Variants in SORCS1 observed in about 807,000 individuals in gnomAD.
SORCS1 encodes VPS10 domain-containing receptor SorCS1.
Under a neutral mutation model 146.1 loss-of-function variants are expected in SORCS1, and 60 were observed. The ratio of observed to expected loss-of-function variants is 0.41; its 90% CI spans 0.33 to 0.51. The LOEUF (loss-of-function observed/expected upper bound fraction) is 0.51, where lower values mean the gene tolerates loss of function less well. Among genes scored for constraint, SORCS1 ranks in the 20% least tolerant of loss-of-function variants. SORCS1 has a pLI of 0.21. For synonymous variants in SORCS1, 637 were observed against 584.0 expected, an observed-to-expected ratio of 1.09 and a Z score of -1.31; for missense variants, 1,352 against 1,487.6, an observed-to-expected ratio of 0.91 and a Z score of 1.50.
chr10:106,634,580 G>A (rs1293350960), intron 18 of SORCS1, among the ~76,000 whole-genome samples: 3 of 152,080 alleles, frequency 2.0e-5, no homozygotes, highest in Non-Finnish European at 2.9e-5. Context: ...GAAATTACTC[G>A]CAATATTTCT....
intron 1 of SORCS1, among the ~76,000 whole-genome samples, chr10:107,116,205 G>A (rs1378972519): frequency 6.6e-6 from 1 of 152,016 alleles, no homozygotes; most frequent in Non-Finnish European, 1.5e-5. Context: ...ACAGTAGGAA[G>A]GCTCTTAAAA....
chr10:106,953,249 T>A (rs1954785175), intron 2 of SORCS1, among the ~76,000 whole-genome samples: 1 of 151,844 alleles, frequency 6.6e-6, no homozygotes, highest in Non-Finnish European at 1.5e-5. Flanking sequence ...CCATGAATAC[T>A]AAAATCCGCA....
At chr10:106,913,772 C>A (rs1952277863) in intron 2 of SORCS1, among the ~76,000 whole-genome samples, 1 of 152,164 alleles carries the variant, frequency 6.6e-6, no homozygotes, top group African/African-American at 2.4e-5. Flanking sequence ...GGGTGAAGCC[C>A]CCAGAGCAGG....
At chr10:106,774,541 A>C (rs1860282627) in intron 4 of SORCS1, among the ~76,000 whole-genome samples, 1 of 138,276 alleles carries the variant, frequency 7.2e-6, no homozygotes, top group African/African-American at 2.9e-5. Context: ...TTACAATTTC[A>C]TGTATATGAC....
chr10:106,917,044 A>G (rs1345673000), intron 2 of SORCS1, among the ~76,000 whole-genome samples: 2 of 152,154 alleles, frequency 1.3e-5, no homozygotes, highest in Non-Finnish European at 2.9e-5. Flanking sequence ...CACCCAGCCC[A>G]CTTTCCAATT....
chr10:106,811,176 G>A (rs895005055), intron 3 of SORCS1, among the ~76,000 whole-genome samples: 10 of 151,974 alleles, frequency 6.6e-5, no homozygotes, highest in Admixed American at 2.0e-4. Flanking sequence ...CTGACCTCAT[G>A]ATCCACCCAC....
the SORCS1 span, among the ~76,000 whole-genome samples, chr10:107,176,871 AAGTTTGTT>A: frequency 1.3e-5 from 2 of 152,004 alleles, no homozygotes; most frequent in African/African-American, 4.8e-5. Flanking sequence ...TCATTAGGTC[AAGTTTGTT>A]AATTATGTTG....
intron 5 of SORCS1, among the ~76,000 whole-genome samples, chr10:106,751,209 A>T (rs1435868786): frequency 6.6e-6 from 1 of 151,916 alleles, no homozygotes; most frequent in African/African-American, 2.4e-5. Flanking sequence ...CTTATCTAGC[A>T]CTCCTAGTGC....
At chr10:107,134,324 C>G (rs1029035000) in intron 1 of SORCS1, among the ~76,000 whole-genome samples, 4 of 152,182 alleles carry the variant, frequency 2.6e-5, no homozygotes, top group Admixed American at 1.3e-4. Flanking sequence ...CTACCTCTAA[C>G]TAAAGTGAAT....
chr10:106,586,785 G>A (rs115960301), intron 24 of SORCS1, among the ~76,000 whole-genome samples: 2,684 of 152,254 alleles, frequency 0.018, 73 homozygotes, highest in African/African-American at 0.061. Flanking sequence ...GCAACACCCT[G>A]TCTCTACAGA....
At chr10:107,071,296 A>C (rs1288605053) in intron 1 of SORCS1, among the ~76,000 whole-genome samples, 1 of 152,062 alleles carries the variant, frequency 6.6e-6, no homozygotes, top group Non-Finnish European at 1.5e-5. Flanking sequence ...TTATCCATCT[A>C]TATCTCCTTT....
the SORCS1 span, among the ~76,000 whole-genome samples, chr10:107,176,877 G>C: frequency 6.6e-6 from 1 of 151,852 alleles, no homozygotes; most frequent in Non-Finnish European, 1.5e-5. Context: ...GGTCAAGTTT[G>C]TTAATTATGT....
rs58654489 is a variant in SORCS1 at position 106,862,780 on chromosome 10, CAAAAAA to C, written c.627-33113_627-33108del. Among the ~76,000 whole-genome samples, 4 of 60,246 alleles carry C rather than the reference CAAAAAA, an allele frequency of 6.6e-5. No individual in the cohort carries two copies. The South Asian group carries it at 2.2e-3, about 33-fold the overall frequency. The allele number at this position is 60,246 out of a possible 152,430, so 39.5% of individuals were successfully genotyped here. A position where few individuals can be genotyped will look rare whatever the true frequency, so the allele number is the denominator to read the frequency against. On this transcript the variant is annotated intron_variant, in intron 2 of 25. Coordinates refer to ENST00000263054, the MANE Select transcript of SORCS1 (RefSeq NM_052918.5). ...CTAACACGGTGAAACCCTGTCTCTA[CAAAAAA>C]AAAAAAAAAAAAAAAAAAAAAAGTT...
intron 3 of SORCS1, among the ~76,000 whole-genome samples, chr10:106,811,675 G>T (rs768006165): frequency 6.6e-6 from 1 of 152,136 alleles, no homozygotes; most frequent in Admixed American, 6.5e-5. Flanking sequence ...GAAAAGCAAA[G>T]ATATCAAAAC....
intron 2 of SORCS1, among the ~76,000 whole-genome samples, chr10:106,932,946 ATC>A (rs1474267560): frequency 6.6e-6 from 1 of 152,192 alleles, no homozygotes. Flanking sequence ...CATATCAGTG[ATC>A]TCTGTCAACA....
intron 1 of SORCS1, among the ~76,000 whole-genome samples, chr10:106,990,819 C>G (rs1956736944): frequency 6.6e-6 from 1 of 152,060 alleles, no homozygotes; most frequent in African/African-American, 2.4e-5. Context: ...CAAAAACCAC[C>G]AATTAAAATA....
intron 1 of SORCS1, among the ~76,000 whole-genome samples, chr10:107,101,404 C>T (rs1435308972): frequency 3.3e-5 from 5 of 152,200 alleles, no homozygotes; most frequent in Non-Finnish European, 7.3e-5. Flanking sequence ...TGAACCAACA[C>T]TGACATGTCT....
chr10:106,775,466 T>C (rs1021633391), intron 4 of SORCS1, among the ~76,000 whole-genome samples: 6 of 152,234 alleles, frequency 3.9e-5, no homozygotes, highest in African/African-American at 7.2e-5. Context: ...ATCTTAAGAA[T>C]TTTAATTTGC....
intron 24 of SORCS1, among the ~76,000 whole-genome samples, chr10:106,579,778 A>G (rs913919478): frequency 6.6e-6 from 1 of 151,996 alleles, no homozygotes; most frequent in African/African-American, 2.4e-5. Context: ...ACCTTAATGT[A>G]CCTTATGTGG....
Sources: gnomAD v4.1 joint callset for allele counts (sites outside exome capture counted in the v4.1 genomes callset) on GRCh38, gnomAD v4.1.1 for gene constraint, MANE v1.5 for transcripts, NCBI Gene and HGNC (gene_info 2026-07-23, HGNC 2026-07-21) for gene names.